CIB2: variants seen among roughly 807,000 people sequenced by gnomAD.
The protein encoded by CIB2 is calcium and integrin binding family member 2.
Under a neutral mutation model 23.1 loss-of-function variants are expected in CIB2, and 19 were observed. The observed-to-expected ratio is 0.82, with a 90% CI of 0.57 to 1.21. The LOEUF (loss-of-function observed/expected upper bound fraction) is 1.21. Among genes scored for constraint, CIB2 ranks in the 50% most tolerant of loss-of-function variants. The pLI, the probability that CIB2 is intolerant of heterozygous loss-of-function variation, is 0.00. For synonymous variants in CIB2, 94 were observed against 91.7 expected (o/e 1.03, Z -0.14); for missense variants, 220 against 241.5 (o/e 0.91, Z 0.59).
At chr15:78,106,624 C>A (rs2074074688) in intron 4 of CIB2, among the ~76,000 whole-genome samples, 1 of 152,166 alleles carries the variant, frequency 6.6e-6, no homozygotes, top group African/African-American at 2.4e-5. Context: ...TCAAAGTGAA[C>A]TCTCTCTTCT....
chr15:78,122,391 A>G (rs2074332027), intron 2 of CIB2, among the ~76,000 whole-genome samples: 1 of 152,204 alleles, frequency 6.6e-6, no homozygotes, highest in African/African-American at 2.4e-5. Flanking sequence ...CTTGGCATCT[A>G]CAAAGGTAGG....
chr15:78,122,288 G>A (rs2074330645), intron 2 of CIB2, among the ~76,000 whole-genome samples: 1 of 152,232 alleles, frequency 6.6e-6, no homozygotes, highest in South Asian at 2.1e-4. Flanking sequence ...GGACACTCCA[G>A]GGAGTGGAGA....
intron 2 of CIB2, among the ~76,000 whole-genome samples, chr15:78,121,576 G>C (rs143401807): frequency 4.6e-5 from 7 of 152,322 alleles, no homozygotes; most frequent in Non-Finnish European, 8.8e-5. Flanking sequence ...CCCCGAGGCT[G>C]TTCTCATGAT....
rs1435800775 is a variant in CIB2 at position 78,111,186 on chromosome 15, G to A, written c.177C>T (p.Ile59=). Residue 59 remains isoleucine (I), a synonymous_variant, in exon 3 of 6, where the codon ATC becomes ATT. Coordinates refer to ENST00000258930, the MANE Select transcript of CIB2 (RefSeq NM_006383.4). ...ATACCCGGAGCTCTGGCATCTGGAT[G>A]ATGAGGCTCATGGGCACGTGGACGA... ...SPIVHVPMSL[I]IQMPELRENP... 5.6e-6 allele frequency: 9 copies of A among 1,614,140 alleles called. No individual in the cohort carries two copies. The highest frequency in any genetic ancestry group is 6.8e-6 in the Non-Finnish European group (8 of 1,179,996).
chr15:78,113,373 G>A (rs969465760), intron 2 of CIB2, among the ~76,000 whole-genome samples: 6 of 152,178 alleles, frequency 3.9e-5, no homozygotes, highest in Admixed American at 2.0e-4. Context: ...CAAATGCCAG[G>A]GCGGTGGGAT....
chr15:78,109,632 G>A, intron 3 of CIB2: 1 of 526,836 alleles, frequency 1.9e-6, no homozygotes, highest in Non-Finnish European at 3.4e-6. Context: ...GCATTCTACT[G>A]GGTCATGTCA....
chr15:78,123,297 A>G (rs752263416), intron 2 of CIB2, among the ~76,000 whole-genome samples: 3 of 152,206 alleles, frequency 2.0e-5, no homozygotes, highest in Non-Finnish European at 4.4e-5. Context: ...ACCAGGACCC[A>G]GGATGCAGTG....
At chr15:78,121,100 T>C (rs990695765) in intron 2 of CIB2, among the ~76,000 whole-genome samples, 7 of 152,168 alleles carry the variant, frequency 4.6e-5, no homozygotes, top group Non-Finnish European at 1.0e-4. Context: ...TGGCCATGCC[T>C]GTTCCCTCTA....
In CIB2 at chr15:78,131,182, G is replaced by A; in HGVS notation, c.34C>T (p.Gln12Ter). 6.3e-7 allele frequency: 1 copy of A among 1,590,956 alleles called. No individual in the cohort carries two copies. Among genetic ancestry groups the A allele is most frequent in the South Asian group, 1.1e-5 (1 of 89,194 alleles). Reference protein sequence around the residue: ...GNKQTIFTEEQLDNYQDCTFF... With the variant: ...GNKQTIFTEE ...GAGCTCACCTGGTAGTTGTCTAGCT[G>A]CTCTTCGGTGAAGATGGTCTGCTTG... is the stretch of plus-strand genomic sequence containing the variant. The change falls in exon 1 of 6, where the codon CAG (glutamine) becomes TAG (stop). Residue 12 changes from glutamine to a stop codon, truncating the protein, a stop_gained. Transcript: ENST00000258930. LOFTEE classifies it high-confidence loss of function. The surrounding 1 kb of genome is among the most constrained non-coding windows in gnomAD (Gnocchi z 5.8).
intron 4 of CIB2, among the ~76,000 whole-genome samples, chr15:78,108,445 C>T (rs2074103390): frequency 6.6e-6 from 1 of 152,072 alleles, no homozygotes; most frequent in Admixed American, 6.6e-5. Flanking sequence ...AGGGGGTGAG[C>T]TCGTGGGTAT....
chr15:78,106,773 G>A (rs2074077204), intron 4 of CIB2, among the ~76,000 whole-genome samples: 1 of 152,066 alleles, frequency 6.6e-6, no homozygotes, highest in Non-Finnish European at 1.5e-5. Flanking sequence ...AGCGATAAGG[G>A]TCCTCTTCCC....
rs1323116421 is a variant in CIB2, at chr15:78,131,165, C to T, written c.51G>A (p.Gln17=). ...IFTEEQLDNY[Q]DCTFFNKKDI... ...TGGGGGCCGGGCGCGCCGAGCTCAC[C>T]TGGTAGTTGTCTAGCTGCTCTTCGG... The change falls in exon 1 of 6, where the codon CAG becomes CAA. Residue 17 remains glutamine, a splice_region_variant and synonymous_variant. Coordinates refer to ENST00000258930, the MANE Select transcript of CIB2 (RefSeq NM_006383.4). This position sits in a 1 kb window ranked among gnomAD's most constrained non-coding sequence, Gnocchi z 5.8. 1.3e-6 allele frequency: 2 copies of T among 1,589,754 alleles called. No individual in the cohort carries two copies. The highest frequency in any genetic ancestry group is 1.3e-5 in the African/African-American group (1 of 74,146).
chr15:78,131,158 A>G lies in CIB2; in HGVS notation c.51+7T>C. ...CCTGTGTTGGGGGCCGGGCGCGCCG[A>G]GCTCACCTGGTAGTTGTCTAGCTGC... On this transcript the variant is annotated splice_region_variant and intron_variant, in intron 1 of 5. Transcript: ENST00000258930. This position sits in a 1 kb window ranked among gnomAD's most constrained non-coding sequence, Gnocchi z 5.8. The G allele has an allele frequency of 6.3e-7, 1 of 1,583,308 alleles. No individual in the cohort carries two copies.
At chr15:78,124,263 G>A (rs969192520) in intron 1 of CIB2, among the ~76,000 whole-genome samples, 1 of 152,226 alleles carries the variant, frequency 6.6e-6, no homozygotes, top group South Asian at 2.1e-4. Flanking sequence ...CTTGGTGTCT[G>A]AAGCCAGAAA....
At chr15:78,109,544 T>A (rs2074124415) in intron 3 of CIB2, 162 bp from the exon 4 acceptor site, 1 of 761,864 alleles carries the variant, frequency 1.3e-6, no homozygotes. Flanking sequence ...ACCTTCTTAA[T>A]TGGGTTGTGA....
chr15:78,131,194 A>G lies in CIB2; in HGVS notation c.22T>C (p.Phe8Leu). MGNKQTI[F>L]TEEQLDNYQD... ...TAGTTGTCTAGCTGCTCTTCGGTGA[A>G]GATGGTCTGCTTGTTCCCCATGGTG... is the stretch of plus-strand genomic sequence containing the variant. Residue 8 changes from phenylalanine (F) to leucine (L), a missense_variant, in exon 1 of 6, where the codon TTC becomes CTC. Physicochemically the swap from Phe to Leu is conservative, Grantham distance 22. Coordinates refer to ENST00000258930, the MANE Select transcript of CIB2 (RefSeq NM_006383.4). The surrounding 1 kb of genome is among the most constrained non-coding windows in gnomAD (Gnocchi z 5.8). The G allele has an allele frequency of 6.3e-7, 1 of 1,588,288 alleles. No individual in the cohort carries two copies.
rs1244131703 is a variant in CIB2 at position 78,119,572 on chromosome 15, CT to C, written c.86+4132del. ...AAAAGCAATTTTAAGCATATATATA[CT>C]TTTTTTTTTTTGAGATGGAGTCTCG... is the stretch of plus-strand genomic sequence containing the variant. On this transcript the variant is annotated intron_variant, in intron 2 of 5. Coordinates refer to ENST00000258930, the MANE Select transcript of CIB2 (RefSeq NM_006383.4). Among the ~76,000 whole-genome samples, 270 of 146,812 alleles carry C rather than the reference CT, an allele frequency of 1.8e-3. 1 individual carries two copies. Among genetic ancestry groups the C allele is most frequent in the Middle Eastern group, 7.0e-3 (2 of 284 alleles).
Position 78,117,246 on chromosome 15 carries a change from C to CAAAAAAA in CIB2, c.87-5977_87-5971dup, listed in dbSNP as rs60332437. ...GTTAAGTGTTTCTTCAAGCTACTGG[C>CAAAAAAA]AAAAAAAAAAAAAAAAAAAAAAAAA... is the stretch of plus-strand genomic sequence containing the variant. On this transcript the variant is annotated intron_variant, in intron 2 of 5. Transcript: ENST00000258930. Among the ~76,000 whole-genome samples, 26 of 55,468 alleles carry CAAAAAAA rather than the reference C, an allele frequency of 4.7e-4. 1 individual carries two copies. The highest frequency in any genetic ancestry group is 1.3e-3 in the East Asian group (1 of 800). 36.4% of individuals were successfully genotyped at this position (55,468 alleles called of 152,430 possible).
At chr15:78,108,812 C>T (rs1275237440) in intron 4 of CIB2, among the ~76,000 whole-genome samples, 1 of 152,222 alleles carries the variant, frequency 6.6e-6, no homozygotes, top group Non-Finnish European at 1.5e-5. Context: ...CCCAGATTCT[C>T]TCCAGACTCA....
Sources: gnomAD v4.1 joint callset for allele counts (sites outside exome capture counted in the v4.1 genomes callset) on GRCh38, gnomAD v4.1.1 for gene constraint, Gnocchi (gnomAD v3.1) non-coding constraint, MANE v1.5 for transcripts, NCBI Gene and HGNC (gene_info 2026-07-23, HGNC 2026-07-21) for gene names.